Variants in ANGPT1 observed in about 807,000 individuals in gnomAD.
The protein encoded by ANGPT1 is angiopoietin 1.
Under a neutral mutation model 62.2 loss-of-function variants are expected in ANGPT1, and 17 were observed. The observed-to-expected ratio is 0.27, with a 90% CI of 0.19 to 0.41. The LOEUF (loss-of-function observed/expected upper bound fraction) is 0.41. Ranked by LOEUF, ANGPT1 falls within the 10% of genes least tolerant of loss-of-function variation. ANGPT1 has a pLI of 1.00. For missense variants in ANGPT1, 478 were observed against 594.9 expected (o/e 0.80, Z 2.04); for synonymous variants, 199 against 198.9 (o/e 1.00, Z 0.00).
chr8:107,346,984 C>T lies in ANGPT1; in HGVS notation c.411G>A (p.Gln137=). Residue 137 remains glutamine (Q), a synonymous_variant, in exon 2 of 9, where the codon CAG becomes CAA. Coordinates refer to ENST00000517746, the MANE Select transcript of ANGPT1 (RefSeq NM_001146.5). ...MLEIGTSLLS[Q]TAEQTRKLTD... ...TCAGCTTTCTGGTCTGCTCTGCAGT[C>T]TGAGAGAGGAGGCTGGTTCCTATCT... 1 of 1,613,876 alleles carries T rather than the reference C, an allele frequency of 6.2e-7. No individual in the cohort carries two copies. The highest frequency in any genetic ancestry group is 8.5e-7 in the Non-Finnish European group (1 of 1,179,886).
At chr8:107,287,953 T>C (rs1054489870) in intron 6 of ANGPT1, among the ~76,000 whole-genome samples, 5 of 152,204 alleles carry the variant, frequency 3.3e-5, no homozygotes, top group South Asian at 2.1e-4. Flanking sequence ...ATAGTTAAAA[T>C]ATATGTCATA....
Position 107,252,120 on chromosome 8 carries a change from C to G in ANGPT1, c.1337-105G>C. On this transcript the variant is annotated intron_variant, in intron 8 of 8. Transcript: ENST00000517746. ...TTAAATGATGGGAAACTTGCTTGTT[C>G]TTGTTATGCTTATTTGCAATTACGA... 4 of 1,202,684 alleles carry G rather than the reference C, an allele frequency of 3.3e-6. No individual in the cohort carries two copies. In the South Asian group the frequency reaches 5.8e-5, roughly 17 times the overall value. The allele number at this position is 1,202,684 out of a possible 1,614,324, so 74.5% of individuals were successfully genotyped here.
At position 107,477,296 on chromosome 8, in the gene ANGPT1, G is replaced by A. The variant is rs75810737; in HGVS notation, c.297+19966C>T. 6.4e-3 allele frequency among the ~76,000 whole-genome samples: 972 copies of A among 152,252 alleles called. 7 individuals carry two copies. The highest frequency in any genetic ancestry group is 0.023 in the African/African-American group (939 of 41,538). On this transcript the variant is annotated intron_variant, in intron 1 of 8. Transcript: ENST00000517746. ...GGGAGAGAGTTAGGGAATTTGTTGG[G>A]TCACAGTTTGCACAAAGTTAAGGAA...
chr8:107,497,835 A>G lies in ANGPT1; in HGVS notation c.-277T>C. The stretch of plus-strand genomic sequence containing the variant: ...AGATTTATTGTTTCCTCTCTGTGTG[A>G]CCGTTCAGCATGGAGCCTGCCTGAG... On this transcript the variant is annotated 5_prime_UTR_variant, in exon 1 of 9. Transcript: ENST00000517746. The G allele has an allele frequency of 3.6e-6, 2 of 556,096 alleles. No individual in the cohort carries two copies. The highest frequency in any genetic ancestry group is 6.3e-6 in the Non-Finnish European group (2 of 317,998). The allele number at this position is 556,096 out of a possible 1,614,324, so 34.4% of individuals were successfully genotyped here.
intron 2 of ANGPT1, among the ~76,000 whole-genome samples, chr8:107,345,490 G>A (rs899301986): frequency 1.3e-5 from 2 of 151,908 alleles, no homozygotes; most frequent in Non-Finnish European, 2.9e-5. Flanking sequence ...AGTGTTTTAG[G>A]GGATAAAAAA....
At chr8:107,360,766 AG>A (rs1483308040) in intron 1 of ANGPT1, among the ~76,000 whole-genome samples, 17 of 152,166 alleles carry the variant, frequency 1.1e-4, no homozygotes, top group African/African-American at 3.1e-4. Context: ...GCAGTAAAAA[AG>A]TCTTCATATA....
Position 107,497,646 on chromosome 8 carries a change from A to G in ANGPT1, c.-88T>C. On this transcript the variant is annotated 5_prime_UTR_variant, in exon 1 of 9. Coordinates refer to ENST00000517746, the MANE Select transcript of ANGPT1 (RefSeq NM_001146.5). ...AAACTAGTTCTTTATTTCAGGTAAA[A>G]CTGCTTGTTTGTTTGACTCTTTCCC... is the stretch of plus-strand genomic sequence containing the variant. The G allele has an allele frequency of 7.3e-7, 1 of 1,363,584 alleles. No homozygotes were observed. Among genetic ancestry groups the G allele is most frequent in the Non-Finnish European group, 9.8e-7 (1 of 1,020,164 alleles). The allele number at this position is 1,363,584 out of a possible 1,614,324, so 84.5% of individuals were successfully genotyped here. A position where few individuals can be genotyped will look rare whatever the true frequency, so the allele number is the denominator to read the frequency against.
chr8:107,381,502 G>A (rs566648625), intron 1 of ANGPT1, among the ~76,000 whole-genome samples: 1 of 152,270 alleles, frequency 6.6e-6, no homozygotes, highest in East Asian at 1.9e-4. Context: ...GTGCCCTCGT[G>A]GAGGCACCAT....
chr8:107,323,554 T>C (rs954074754), intron 3 of ANGPT1, among the ~76,000 whole-genome samples: 2 of 152,082 alleles, frequency 1.3e-5, no homozygotes, highest in African/African-American at 4.8e-5. Context: ...TTAAGAAGTG[T>C]GGGTCCAAGG....
intron 1 of ANGPT1, among the ~76,000 whole-genome samples, chr8:107,493,866 T>C: frequency 6.7e-6 from 1 of 150,328 alleles, no homozygotes; most frequent in Non-Finnish European, 1.5e-5. Flanking sequence ...TTTTGGGTAA[T>C]AGCATTTCAA....
intron 1 of ANGPT1, among the ~76,000 whole-genome samples, chr8:107,385,023 G>A (rs762337357): frequency 9.4e-4 from 143 of 152,182 alleles, no homozygotes; most frequent in Non-Finnish European, 1.7e-3. Flanking sequence ...CTGTAGCCTT[G>A]CAGTATAGTT....
At chr8:107,420,573 A>G (rs756484688) in intron 1 of ANGPT1, among the ~76,000 whole-genome samples, 2 of 152,138 alleles carry the variant, frequency 1.3e-5, no homozygotes, top group Non-Finnish European at 2.9e-5. Flanking sequence ...CATCTTCCCA[A>G]TCAGACGGAG....
At position 107,347,038 on chromosome 8, in the gene ANGPT1, T is replaced by G; in HGVS notation, c.357A>C (p.Ala119=). 6.2e-7 allele frequency: 1 copy of G among 1,613,898 alleles called. No individual in the cohort carries two copies. The highest frequency in any genetic ancestry group is 8.5e-7 in the Non-Finnish European group (1 of 1,179,846). Residue 119 remains alanine (A), a synonymous_variant, in exon 2 of 9, where the codon GCA becomes GCC. Transcript: ENST00000517746. The part of the protein sequence containing the change: ...KSEMAQIQQN[A]VQNHTATMLE... ...GCATGGTAGCCGTGTGGTTCTGAAC[T>G]GCATTCTGCTGTATCTGGGCCATCT... is the stretch of plus-strand genomic sequence containing the variant.
chr8:107,299,558 ATATATAGATATATATAGC>A (rs1814512710), intron 5 of ANGPT1, among the ~76,000 whole-genome samples: 1 of 132,446 alleles, frequency 7.6e-6, no homozygotes, highest in African/African-American at 3.1e-5. Flanking sequence ...TATACATAGC[ATATATAGATATATATAGC>A]ATATATAGAT....
At chr8:107,447,565 G>A (rs569723076) in intron 1 of ANGPT1, among the ~76,000 whole-genome samples, 32 of 152,248 alleles carry the variant, frequency 2.1e-4, no homozygotes, top group African/African-American at 7.2e-4. Context: ...TATCTGCATT[G>A]TTCACATCCT....
At chr8:107,303,484 A>G in intron 4 of ANGPT1, 117 bp from the exon 5 acceptor site, 1 of 844,546 alleles carries the variant, frequency 1.2e-6, no homozygotes, top group East Asian at 2.6e-5. Context: ...TCAATATCGC[A>G]CATAGTAAAA....
At chr8:107,356,777 C>T (rs1275894937) in intron 1 of ANGPT1, among the ~76,000 whole-genome samples, 1 of 152,162 alleles carries the variant, frequency 6.6e-6, no homozygotes, top group Non-Finnish European at 1.5e-5. Context: ...ATAAATCAGT[C>T]AGAAGCAACA....
intron 1 of ANGPT1, among the ~76,000 whole-genome samples, chr8:107,376,971 A>G (rs1454741279): frequency 1.3e-5 from 2 of 152,048 alleles, no homozygotes; most frequent in Non-Finnish European, 2.9e-5. Context: ...TTTTCTTCTA[A>G]TGCTTGGTCT....
intron 1 of ANGPT1, among the ~76,000 whole-genome samples, chr8:107,432,648 A>G (rs555935207): frequency 1.3e-5 from 2 of 149,418 alleles, no homozygotes; most frequent in Admixed American, 1.4e-4. Flanking sequence ...TGGGCAACAG[A>G]GCGAGACTCC....
Sources: gnomAD v4.1 joint callset for allele counts (sites outside exome capture counted in the v4.1 genomes callset) on GRCh38, gnomAD v4.1.1 for gene constraint, MANE v1.5 for transcripts, NCBI Gene and HGNC (gene_info 2026-07-23, HGNC 2026-07-21) for gene names.